Variants in ZMAT4 observed in about 807,000 individuals in gnomAD.
ZMAT4 encodes zinc finger matrin-type protein 4.
ZMAT4 carries 17 observed loss-of-function variants against 28.7 expected under a neutral mutation model. The ratio of observed to expected loss-of-function variants is 0.59; its 90% CI spans 0.41 to 0.89. The LOEUF (loss-of-function observed/expected upper bound fraction) is 0.89. Ranked by LOEUF, ZMAT4 falls within the 40% of genes least tolerant of loss-of-function variation. The probability of loss-of-function intolerance (pLI) is 0.00; values close to 1 mark genes in which losing one functional copy is unlikely to be tolerated. For missense variants in ZMAT4, 240 were observed against 283.8 expected (o/e 0.85, Z 1.11); for synonymous variants, 117 against 109.2 (o/e 1.07, Z -0.44).
At chr8:40,711,238 A>G (rs1238633864) in intron 3 of ZMAT4, among the ~76,000 whole-genome samples, 1 of 152,242 alleles carries the variant, frequency 6.6e-6, no homozygotes, top group African/African-American at 2.4e-5. Flanking sequence ...TCCTAAAAGC[A>G]CAGAGTATCA....
At chr8:40,657,985 G>A (rs1808003106) in intron 5 of ZMAT4, among the ~76,000 whole-genome samples, 1 of 152,032 alleles carries the variant, frequency 6.6e-6, no homozygotes, top group Non-Finnish European at 1.5e-5. Flanking sequence ...TTTTCTCTGT[G>A]TTCTTGAGAT....
chr8:40,865,366 T>C (rs1324435431), intron 1 of ZMAT4, among the ~76,000 whole-genome samples: 1 of 152,206 alleles, frequency 6.6e-6, no homozygotes, highest in Non-Finnish European at 1.5e-5. Context: ...TTCCCCGAAT[T>C]CGGCCTGCAT....
intron 6 of ZMAT4, among the ~76,000 whole-genome samples, chr8:40,554,224 A>G (rs1453835814): frequency 6.6e-6 from 1 of 152,154 alleles, no homozygotes; most frequent in Non-Finnish European, 1.5e-5. Context: ...GCAAGGATAG[A>G]ACAGATTTCA....
At chr8:40,608,948 T>C (rs1805697491) in intron 5 of ZMAT4, among the ~76,000 whole-genome samples, 1 of 152,170 alleles carries the variant, frequency 6.6e-6, no homozygotes, top group Admixed American at 6.5e-5. Flanking sequence ...GGCAAGTTGT[T>C]ACCTTCAAAG....
intron 1 of ZMAT4, among the ~76,000 whole-genome samples, chr8:40,856,413 T>C (rs1263069736): frequency 2.6e-5 from 4 of 152,098 alleles, no homozygotes; most frequent in Non-Finnish European, 5.9e-5. Flanking sequence ...TGGGCAAAGA[T>C]GTGGACAGAG....
chr8:40,708,324 G>A (rs992282669), intron 3 of ZMAT4, among the ~76,000 whole-genome samples: 1 of 152,180 alleles, frequency 6.6e-6, no homozygotes, highest in Non-Finnish European at 1.5e-5. Context: ...TCTGTGGAGA[G>A]CCTGGAGGGG....
At chr8:40,766,231 T>C (rs920042372) in intron 3 of ZMAT4, among the ~76,000 whole-genome samples, 7 of 152,228 alleles carry the variant, frequency 4.6e-5, no homozygotes, top group East Asian at 1.9e-4. Context: ...TAAACACTTA[T>C]GCTGTGATAT....
At chr8:40,737,162 T>A (rs1416654209) in intron 3 of ZMAT4, among the ~76,000 whole-genome samples, 1 of 152,100 alleles carries the variant, frequency 6.6e-6, no homozygotes, top group Non-Finnish European at 1.5e-5. Context: ...GCTTTGAATG[T>A]GGCCCAACAC....
In ZMAT4 at chr8:40,670,223, T is replaced by C. The variant is rs140596380; in HGVS notation, c.577+4481A>G. Among the ~76,000 whole-genome samples the C allele has an allele frequency of 1.8e-3, 275 of 152,242 alleles. 2 individuals are homozygous for C. The highest frequency in any genetic ancestry group is 6.3e-3 in the African/African-American group (261 of 41,548). ...GAGATCCATGGAACAGAATAAATTGTCCAGATATAGGCTCACACAATCAAA... is the reference window on the plus strand; with the variant it reads ...GAGATCCATGGAACAGAATAAATTGCCCAGATATAGGCTCACACAATCAAA... On this transcript the variant is annotated intron_variant, in intron 5 of 6. Coordinates refer to ENST00000297737, the MANE Select transcript of ZMAT4 (RefSeq NM_024645.3).
At chr8:40,581,712 T>A (rs992261631) in intron 5 of ZMAT4, among the ~76,000 whole-genome samples, 2 of 152,206 alleles carry the variant, frequency 1.3e-5, no homozygotes, top group Non-Finnish European at 2.9e-5. Flanking sequence ...GTGTTTCTTC[T>A]AGGATTATTT....
intron 5 of ZMAT4, among the ~76,000 whole-genome samples, chr8:40,626,970 C>T (rs1806403620): frequency 6.6e-6 from 1 of 152,200 alleles, no homozygotes; most frequent in South Asian, 2.1e-4. Flanking sequence ...TCTAAAGCTT[C>T]TCCTAATAAC....
intron 5 of ZMAT4, among the ~76,000 whole-genome samples, chr8:40,646,161 T>A (rs1680812249): frequency 6.6e-6 from 1 of 151,928 alleles, no homozygotes; most frequent in Non-Finnish European, 1.5e-5. Flanking sequence ...AGTGTTTAAT[T>A]CACTTATAAT....
chr8:40,761,032 G>A (rs1057389736), intron 3 of ZMAT4, among the ~76,000 whole-genome samples: 1 of 147,858 alleles, frequency 6.8e-6, no homozygotes, highest in Non-Finnish European at 1.5e-5. Flanking sequence ...AGAAAAGAAG[G>A]AAGAAAGAAA....
At chr8:40,605,051 GCTTATTTGGAACTTCTCT>G (rs1396104787) in intron 5 of ZMAT4, among the ~76,000 whole-genome samples, 1 of 152,000 alleles carries the variant, frequency 6.6e-6, no homozygotes, top group African/African-American at 2.4e-5. Context: ...TTCTAATTAA[GCTTATTTGGAACTTCTCT>G]CTTATTTTCT....
intron 3 of ZMAT4, among the ~76,000 whole-genome samples, chr8:40,761,165 T>C (rs1812921368): frequency 6.6e-6 from 1 of 152,160 alleles, no homozygotes. Context: ...ACATAATCTC[T>C]ATCTTGGCCA....
intron 2 of ZMAT4, among the ~76,000 whole-genome samples, chr8:40,777,374 C>T (rs973461688): frequency 6.6e-6 from 1 of 152,154 alleles, no homozygotes; most frequent in Admixed American, 6.5e-5. Flanking sequence ...GAGTGACAAC[C>T]TAATCTGAAT....
chr8:40,650,883 A>G (rs1807609421), intron 5 of ZMAT4, among the ~76,000 whole-genome samples: 1 of 152,088 alleles, frequency 6.6e-6, no homozygotes, highest in South Asian at 2.1e-4. Context: ...ACAACCCTTC[A>G]GGCTGAAAAC....
At chr8:40,726,819 G>T (rs1430925371) in intron 3 of ZMAT4, among the ~76,000 whole-genome samples, 1 of 152,176 alleles carries the variant, frequency 6.6e-6, no homozygotes, top group African/African-American at 2.4e-5. Flanking sequence ...TTACTTTCTG[G>T]CTCTTCACAG....
chr8:40,692,751 T>C (rs1201929588), intron 4 of ZMAT4, among the ~76,000 whole-genome samples: 1 of 152,162 alleles, frequency 6.6e-6, no homozygotes, highest in East Asian at 1.9e-4. Flanking sequence ...ATAACTATAG[T>C]TTAAGGATTT....
Sources: allele counts gnomAD v4.1 joint callset (sites outside exome capture counted in the v4.1 genomes callset), GRCh38; gene constraint gnomAD v4.1.1; transcripts MANE v1.5; gene names NCBI Gene and HGNC (gene_info 2026-07-23, HGNC 2026-07-21).